The following MAGEC1 variants were observed in gnomAD, a reference collection of about 807,000 sequenced individuals.
The protein encoded by MAGEC1 is MAGE family member C1, also known as melanoma-associated antigen C1.
In MAGEC1, 3 loss-of-function variants were observed where a neutral mutation model predicts 1.5. That is an observed-to-expected ratio of 1.97 (90% CI 0.90 to 5.10). MAGEC1 has a LOEUF of 5.10. Ranked by LOEUF, MAGEC1 falls within the 30% of genes most tolerant of loss-of-function variation. The pLI is 0.02. For synonymous variants in MAGEC1, 357 were observed against 310.4 expected (o/e 1.15, Z -1.58); for missense variants, 985 against 803.1 (o/e 1.23, Z -2.74).
Position 141,905,730 on chromosome X carries a change from T to C in MAGEC1, c.326T>C (p.Leu109Pro). Residue 109 changes from leucine to proline, a missense_variant, in exon 4 of 4, where the codon CTG (leucine) becomes CCG (proline). By Grantham distance (98) the Leu-to-Pro change is moderately conservative (BLOSUM62 -3). Coordinates refer to ENST00000285879, the MANE Select transcript of MAGEC1 (RefSeq NM_005462.5). The part of the protein sequence containing the change: ...SQSSPEGKDS[L>P]SPLEISQSPP... ...AGTTCTCCTGAGGGGAAGGACTCCCTGTCTCCTCTAGAGATTTCTCAGAGC... is the reference window on the plus strand; with the variant it reads ...AGTTCTCCTGAGGGGAAGGACTCCCCGTCTCCTCTAGAGATTTCTCAGAGC... The C allele has an allele frequency of 8.3e-7, 1 of 1,211,356 alleles. No individual in the cohort carries two copies. Among genetic ancestry groups the C allele is most frequent in the African/African-American group, 1.7e-5 (1 of 57,863 alleles).
At position 141,908,587 on chromosome X, in the gene MAGEC1, C is replaced by A. The variant is rs375062567; in HGVS notation, c.3183C>A (p.Asn1061Lys). Residue 1061 changes from asparagine to lysine, a missense_variant, in exon 4 of 4, where the codon AAC becomes AAA. By Grantham distance (94) the Asn-to-Lys change is moderately conservative. Transcript: ENST00000285879. Reference sequence around the variant, plus strand: ...ACCTAGAGTACCGGGAGGTGCCCAACTCTTCTCCTCCTCGTTACGAATTCC... The same window carrying A: ...ACCTAGAGTACCGGGAGGTGCCCAAATCTTCTCCTCCTCGTTACGAATTCC... ...EHYLEYREVP[N>K]SSPPRYEFLW... The A allele has an allele frequency of 2.3e-4, 273 of 1,204,903 alleles. No homozygotes were observed. The highest frequency in any genetic ancestry group is 2.9e-4 in the Non-Finnish European group (263 of 892,342).
chrX:141,904,430 C>G (rs1423880496), intron 1 of MAGEC1, among the ~76,000 whole-genome samples: 2 of 110,505 alleles, frequency 1.8e-5, no homozygotes, highest in Non-Finnish European at 3.8e-5. Flanking sequence ...ACTGAGGGGT[C>G]ACATGTGCGT....
In MAGEC1 at chrX:141,906,194, G is replaced by C. The variant is rs176042; in HGVS notation, c.790G>C (p.Ala264Pro). 0.034 allele frequency: 20,894 copies of C among 618,491 alleles called. 3,850 individuals carry two copies. Among genetic ancestry groups the C allele is most frequent in the African/African-American group, 0.038 (1,043 of 27,400 alleles). 51.0% of individuals were successfully genotyped at this position (618,491 alleles called of 1,213,427 possible). ...ERTQSTFEGF[A>P]QSSLQIPVSP... Reference sequence around the variant, plus strand: ...AACTCAGAGTACTTTTGAGGGTTTTGCCCAGTCTTCTCTCCAGATTCCTGT... The same window carrying C: ...AACTCAGAGTACTTTTGAGGGTTTTCCCCAGTCTTCTCTCCAGATTCCTGT... Residue 264 changes from alanine to proline, a missense_variant, in exon 4 of 4, where the codon GCC becomes CCC. Physicochemically the swap from Ala to Pro is conservative, Grantham distance 27. Transcript: ENST00000285879.
Position 141,905,744 on chromosome X carries a change from A to G in MAGEC1, c.340A>G (p.Ile114Val). The G allele has an allele frequency of 1.7e-6, 2 of 1,211,684 alleles. No individual in the cohort carries two copies. The highest frequency in any genetic ancestry group is 2.2e-6 in the Non-Finnish European group (2 of 895,371). ...EGKDSLSPLE[I>V]SQSPPEGEDV... The stretch of plus-strand genomic sequence containing the variant: ...GAAGGACTCCCTGTCTCCTCTAGAG[A>G]TTTCTCAGAGCCCTCCTGAGGGTGA... The change falls in exon 4 of 4, where the codon ATT (isoleucine) becomes GTT (valine). Residue 114 changes from isoleucine to valine, a missense_variant. By Grantham distance (29) the Ile-to-Val change is conservative (BLOSUM62 3). Transcript: ENST00000285879.
rs958512061 is a variant in MAGEC1 at position 141,907,822 on chromosome X, C to G, written c.2418C>G (p.Ala806=). The stretch of plus-strand genomic sequence containing the variant: ...CTCAGAGTCCTCCTGAGGGGCCTGC[C>G]CAGTCTCCTCTCCAGAGTCCTGTGA... ...ESPQSPPEGP[A]QSPLQSPVSS... Residue 806 remains alanine (A), a synonymous_variant, in exon 4 of 4, where the codon GCC becomes GCG. Coordinates refer to ENST00000285879, the MANE Select transcript of MAGEC1 (RefSeq NM_005462.5). The G allele has an allele frequency of 8.3e-7, 1 of 1,207,958 alleles. No homozygotes were observed.
In MAGEC1 at chrX:141,907,182, A is replaced by G. The variant is rs749532234; in HGVS notation, c.1778A>G (p.His593Arg). ...SPQGEDSLSP[H>R]YFPQSPPQGE... is the part of the protein sequence containing the mutation. ...CAGGGGGAGGACTCCCTGTCTCCTC[A>G]CTACTTTCCTCAGAGCCCTCCTCAG... The change falls in exon 4 of 4, where the codon CAC becomes CGC. Residue 593 changes from histidine to arginine, a missense_variant. His to Arg is a conservative substitution (Grantham distance 29). Transcript: ENST00000285879. 4 of 1,193,886 alleles carry G rather than the reference A, an allele frequency of 3.4e-6. No individual in the cohort carries two copies. The Admixed American group carries it at 9.1e-5, about 27-fold the overall frequency.
rs1382548201 is a variant in MAGEC1 at position 141,907,029 on chromosome X, C to T, written c.1625C>T (p.Ser542Phe). The T allele has an allele frequency of 8.3e-7, 1 of 1,210,071 alleles. No individual in the cohort carries two copies. The highest frequency in any genetic ancestry group is 1.1e-6 in the Non-Finnish European group (1 of 895,102). The change falls in exon 4 of 4, where the codon TCC (serine) becomes TTC (phenylalanine). Residue 542 changes from serine to phenylalanine, a missense_variant. Physicochemically the swap from Ser to Phe is radical, Grantham distance 155. Transcript: ENST00000285879. Reference sequence around the variant, plus strand: ...CCAAGTCTTCCTGAGTGGGAGGACTCCCTGTCTCCTCACTACTTTCCTCAG... The same window carrying T: ...CCAAGTCTTCCTGAGTGGGAGGACTTCCTGTCTCCTCACTACTTTCCTCAG... Reference protein sequence around the residue: ...IVPSLPEWEDSLSPHYFPQSP... With the variant: ...IVPSLPEWEDFLSPHYFPQSP...
rs770443633 is a variant in MAGEC1, at chrX:141,905,102, G to T, written c.4+26G>T. 1.0e-4 allele frequency: 122 copies of T among 1,209,704 alleles called. 1 individual carries two copies. In the Admixed American group the frequency reaches 2.6e-3, roughly 26 times the overall value. On this transcript the variant is annotated intron_variant, in intron 3 of 3. Coordinates refer to ENST00000285879, the MANE Select transcript of MAGEC1 (RefSeq NM_005462.5). ...GTGAGTTTCTCAGCTGAGGCCACTG[G>T]CACTGTCCCTCTCTCCCTCAGTCCT...
At position 141,907,015 on chromosome X, in the gene MAGEC1, T is replaced by G. The variant is rs1926946925; in HGVS notation, c.1611T>G (p.Pro537=). 8.3e-7 allele frequency: 1 copy of G among 1,210,386 alleles called. No homozygotes were observed. Among genetic ancestry groups the G allele is most frequent in the African/African-American group, 1.7e-5 (1 of 57,251 alleles). ...CTCTCCAGATTGTTCCAAGTCTTCC[T>G]GAGTGGGAGGACTCCCTGTCTCCTC... The part of the protein sequence containing the change: ...HSPLQIVPSL[P]EWEDSLSPHY... The change falls in exon 4 of 4, where the codon CCT becomes CCG. Residue 537 remains proline (P), a synonymous_variant. Transcript: ENST00000285879.
At position 141,906,010 on chromosome X, in the gene MAGEC1, G is replaced by A. The variant is rs953662118; in HGVS notation, c.606G>A (p.Val202=). 1 of 1,209,959 alleles carries A rather than the reference G, an allele frequency of 8.3e-7. No individual in the cohort carries two copies. The highest frequency in any genetic ancestry group is 2.2e-5 in the Admixed American group (1 of 45,805). Residue 202 remains valine, a synonymous_variant, in exon 4 of 4, where the codon GTG becomes GTA. Transcript: ENST00000285879. Reference sequence around the variant, plus strand: ...CCCAGTCTCCACTCCAGATTCCTGTGAGCCGCTCCTTCTCCTCCACTTTAT... The same window carrying A: ...CCCAGTCTCCACTCCAGATTCCTGTAAGCCGCTCCTTCTCCTCCACTTTAT... ...GFPQSPLQIP[V]SRSFSSTLLS...
chrX:141,904,349 A>T (rs964004579), intron 1 of MAGEC1, among the ~76,000 whole-genome samples: 14 of 110,479 alleles, frequency 1.3e-4, no homozygotes, highest in Admixed American at 6.6e-4. Context: ...TCCCATGGCA[A>T]GTCAGCATGG....
Position 141,908,511 on chromosome X carries a change from C to A in MAGEC1, c.3107C>A (p.Ala1036Asp). 5 of 1,193,263 alleles carry A rather than the reference C, an allele frequency of 4.2e-6. No homozygotes were observed. The highest frequency in any genetic ancestry group is 1.9e-5 in the South Asian group (1 of 53,581). The change falls in exon 4 of 4, where the codon GCC (alanine) becomes GAC (aspartate). Residue 1036 changes from alanine to aspartate, a missense_variant. Ala to Asp is a moderately radical substitution (Grantham distance 126, BLOSUM62 -2). Transcript: ENST00000285879. Reference sequence around the variant, plus strand: ...GTGCGTGCTGGGAGGGAGCACTTTGCCTTTGGGGAGCCCAGGGAGCTCCTC... The same window carrying A: ...GTGCGTGCTGGGAGGGAGCACTTTGACTTTGGGGAGCCCAGGGAGCTCCTC... The part of the protein sequence containing the change: ...IGVRAGREHF[A>D]FGEPRELLTK...
chrX:141,905,654 C>T lies in MAGEC1; in HGVS notation c.250C>T (p.Gln84Ter). Reference protein sequence around the residue: ...KDSQSPLQIPQSSPEGDDTQS... With the variant: ...KDSQSPLQIP ...CTCCCAGTCTCCTCTCCAGATTCCC[C>T]AGAGTTCTCCTGAGGGCGACGACAC... The change falls in exon 4 of 4, where the codon CAG becomes TAG. Residue 84 changes from glutamine to a stop codon, truncating the protein, a stop_gained. Coordinates refer to ENST00000285879, the MANE Select transcript of MAGEC1 (RefSeq NM_005462.5). LOFTEE classifies it low-confidence loss of function (END_TRUNC). 8.3e-7 allele frequency: 1 copy of T among 1,210,762 alleles called. No individual in the cohort carries two copies. Among genetic ancestry groups the T allele is most frequent in the Non-Finnish European group, 1.1e-6 (1 of 894,831 alleles).
rs756849372 is a variant in MAGEC1, at chrX:141,908,856, C to CT, written c.*24dup. The CT allele has an allele frequency of 4.4e-4, 512 of 1,155,707 alleles. 4 individuals are homozygous for CT. Among genetic ancestry groups the CT allele is most frequent in the Admixed American group, 3.0e-3 (119 of 39,416 alleles). ...TGAAGTCTAGGGCAGATTCTTCCCT[C>CT]TGAGTTTGAAGGGGGCAGTCGAGTT... On this transcript the variant is annotated 3_prime_UTR_variant, in exon 4 of 4. Coordinates refer to ENST00000285879, the MANE Select transcript of MAGEC1 (RefSeq NM_005462.5).
At position 141,907,170 on chromosome X, in the gene MAGEC1, C is replaced by T; in HGVS notation, c.1766C>T (p.Ser589Phe). The T allele has an allele frequency of 8.3e-7, 1 of 1,209,108 alleles. No homozygotes were observed. The highest frequency in any genetic ancestry group is 1.1e-6 in the Non-Finnish European group (1 of 894,434). Reference protein sequence around the residue: ...YFPQSPQGEDSLSPHYFPQSP... With the variant: ...YFPQSPQGEDFLSPHYFPQSP... Reference sequence around the variant, plus strand: ...CCTCAGAGCCCTCAGGGGGAGGACTCCCTGTCTCCTCACTACTTTCCTCAG... The same window carrying T: ...CCTCAGAGCCCTCAGGGGGAGGACTTCCTGTCTCCTCACTACTTTCCTCAG... Residue 589 changes from serine to phenylalanine, a missense_variant, in exon 4 of 4, where the codon TCC becomes TTC. Physicochemically the swap from Ser to Phe is radical, Grantham distance 155. Coordinates refer to ENST00000285879, the MANE Select transcript of MAGEC1 (RefSeq NM_005462.5).
chrX:141,908,902 G>T lies in MAGEC1; in HGVS notation c.*69G>T, dbSNP rs141025681. The T allele has an allele frequency of 1.1e-3, 1,099 of 960,510 alleles. 10 individuals are homozygous for T. The African/African-American group carries it at 0.019, about 16-fold the overall frequency. 79.2% of individuals were successfully genotyped at this position (960,510 alleles called of 1,213,427 possible). Reference sequence around the variant, plus strand: ...GAGTTTCTACGTGGTGGAGGGCCTGGTTGAGGCTGGAGAGAACACAGTGCT... The same window carrying T: ...GAGTTTCTACGTGGTGGAGGGCCTGTTTGAGGCTGGAGAGAACACAGTGCT... On this transcript the variant is annotated 3_prime_UTR_variant, in exon 4 of 4. Coordinates refer to ENST00000285879, the MANE Select transcript of MAGEC1 (RefSeq NM_005462.5).
In MAGEC1 at chrX:141,907,432, C is replaced by A. The variant is rs1404270625; in HGVS notation, c.2028C>A (p.Leu676=). 14 of 1,202,663 alleles carry A rather than the reference C, an allele frequency of 1.2e-5. No individual in the cohort carries two copies. Among genetic ancestry groups the A allele is most frequent in the Non-Finnish European group, 1.6e-5 (14 of 891,619 alleles). ...AGGGGATGCACTCCCAATCTCCTCTCCAGAGTCCTGAGAGTGCTCCTGAGG... is the reference window on the plus strand; with the variant it reads ...AGGGGATGCACTCCCAATCTCCTCTACAGAGTCCTGAGAGTGCTCCTGAGG... The part of the protein sequence containing the change: ...PPEGMHSQSP[L]QSPESAPEGE... Residue 676 remains leucine (L), a synonymous_variant, in exon 4 of 4, where the codon CTC becomes CTA. Transcript: ENST00000285879.
Position 141,908,922 on chromosome X carries a change from A to G in MAGEC1, c.*89A>G. ...GCCTGGTTGAGGCTGGAGAGAACAC[A>G]GTGCTATTTGCATTTCTGTTCCATA... is the stretch of plus-strand genomic sequence containing the variant. On this transcript the variant is annotated 3_prime_UTR_variant, in exon 4 of 4. Coordinates refer to ENST00000285879, the MANE Select transcript of MAGEC1 (RefSeq NM_005462.5). 1 of 813,422 alleles carries G rather than the reference A, an allele frequency of 1.2e-6. No individual in the cohort carries two copies. The highest frequency in any genetic ancestry group is 1.7e-6 in the Non-Finnish European group (1 of 582,450). 67.0% of individuals were successfully genotyped at this position (813,422 alleles called of 1,213,427 possible).
Position 141,907,608 on chromosome X carries a change from A to G in MAGEC1, c.2204A>G (p.Asp735Gly). The G allele has an allele frequency of 8.3e-7, 1 of 1,203,788 alleles. No homozygotes were observed. The highest frequency in any genetic ancestry group is 1.1e-6 in the Non-Finnish European group (1 of 893,015). Residue 735 changes from aspartate (D) to glycine (G), a missense_variant, in exon 4 of 4, where the codon GAC becomes GGC. Asp to Gly is a moderately conservative substitution (Grantham distance 94). Transcript: ENST00000285879. The stretch of plus-strand genomic sequence containing the variant: ...CCTCAGTTTCCTCCTCAGGGGGAGG[A>G]CTTCCAGTCTTCTCTCCAGAGTCCT... ...HFPQFPPQGEDFQSSLQSPVS... is the reference protein window; with the variant it reads ...HFPQFPPQGEGFQSSLQSPVS...
Sources: allele counts gnomAD v4.1 joint callset (sites outside exome capture counted in the v4.1 genomes callset), GRCh38; gene constraint gnomAD v4.1.1; transcripts MANE v1.5; gene names NCBI Gene and HGNC (gene_info 2026-07-23, HGNC 2026-07-21).